The following EHBP1 variants were observed in gnomAD, a reference collection of about 807,000 sequenced individuals.
EHBP1 encodes EH domain-binding protein 1.
A neutral mutation model predicts 144.0 loss-of-function variants in EHBP1; 55 were observed. The ratio of observed to expected loss-of-function variants is 0.38; its 90% CI spans 0.31 to 0.48. EHBP1 has a LOEUF of 0.48. Ranked by LOEUF, EHBP1 falls within the 20% of genes least tolerant of loss-of-function variation. The pLI, the probability that EHBP1 is intolerant of heterozygous loss-of-function variation, is 0.98. For synonymous variants in EHBP1, 469 were observed against 472.7 expected (o/e 0.99, Z 0.10); for missense variants, 1,200 against 1,364.2 (o/e 0.88, Z 1.90).
intron 10 of EHBP1, among the ~76,000 whole-genome samples, chr2:62,888,960 G>C (rs1009899819): frequency 3.4e-5 from 5 of 148,210 alleles, no homozygotes; most frequent in African/African-American, 9.9e-5. Flanking sequence ...AATTTAAGGA[G>C]CCACTAACTC....
intron 7 of EHBP1, among the ~76,000 whole-genome samples, chr2:62,835,474 A>G (rs1047889518): frequency 5.9e-5 from 9 of 152,208 alleles, no homozygotes; most frequent in African/African-American, 2.2e-4. Context: ...CATTAAAAAT[A>G]AAGCGGGGGA....
intron 19 of EHBP1, among the ~76,000 whole-genome samples, chr2:63,005,185 TG>T (rs1292279800): frequency 2.0e-5 from 3 of 152,210 alleles, no homozygotes; most frequent in African/African-American, 7.2e-5. Flanking sequence ...TAGAAGGCCA[TG>T]GGTAGTATTA....
chr2:62,940,840 C>A (rs1183600837), intron 10 of EHBP1, among the ~76,000 whole-genome samples: 1 of 152,056 alleles, frequency 6.6e-6, no homozygotes, highest in Non-Finnish European at 1.5e-5. Context: ...GTTCTTCTAG[C>A]CTTTTCATAT....
chr2:62,841,988 T>G (rs2047921273), intron 7 of EHBP1, among the ~76,000 whole-genome samples: 1 of 152,152 alleles, frequency 6.6e-6, no homozygotes, highest in East Asian at 1.9e-4. Context: ...ATTTGTTATC[T>G]GGTGAGAGCC....
In EHBP1 at chr2:62,754,575, G is replaced by T. The variant is rs962959246; in HGVS notation, c.162+7123G>T. Among the ~76,000 whole-genome samples, 76 of 152,340 alleles carry T rather than the reference G, an allele frequency of 5.0e-4. No individual in the cohort carries two copies. The Middle Eastern group carries it at 0.017, about 34-fold the overall frequency. On this transcript the variant is annotated intron_variant, in intron 3 of 22. Transcript: ENST00000431489. ...TTTCTGCTGCCTTTTGTTCAGCTAT[G>T]CCCTGCCTCCAGAGGTGGAGTCTAC...
chr2:62,882,370 C>A (rs1454486324), intron 10 of EHBP1, among the ~76,000 whole-genome samples: 2 of 152,114 alleles, frequency 1.3e-5, no homozygotes, highest in Non-Finnish European at 2.9e-5. Flanking sequence ...AAGGAGATGG[C>A]CAATTCCAAT....
intron 19 of EHBP1, among the ~76,000 whole-genome samples, chr2:63,033,742 T>C (rs375303767): frequency 1.3e-5 from 2 of 152,102 alleles, no homozygotes; most frequent in South Asian, 4.1e-4. Context: ...GATTCTTGGA[T>C]AAATGAATGA....
At chr2:62,823,127 G>A (rs929062567) in intron 5 of EHBP1, among the ~76,000 whole-genome samples, 5 of 151,938 alleles carry the variant, frequency 3.3e-5, no homozygotes, top group South Asian at 2.1e-4. Context: ...GGATCTCTAG[G>A]GGTGGGATTC....
intron 5 of EHBP1, among the ~76,000 whole-genome samples, chr2:62,773,850 C>CAAAAAAAAAAAAAAAAAAAAAA (rs570715468): frequency 9.6e-5 from 4 of 41,552 alleles, no homozygotes; most frequent in Non-Finnish European, 1.2e-4. Flanking sequence ...GACTCCATCT[C>CAAAAAAAAAAAAAAAAAAAAAA]AAAAAAAAAA....
chr2:62,943,456 TA>T (rs1343897164), intron 11 of EHBP1, among the ~76,000 whole-genome samples: 3 of 152,026 alleles, frequency 2.0e-5, no homozygotes, highest in African/African-American at 7.2e-5. Context: ...AAAATTGTGT[TA>T]GTGTTAAAAT....
intron 3 of EHBP1, among the ~76,000 whole-genome samples, chr2:62,761,294 C>T (rs1043369700): frequency 6.6e-6 from 1 of 152,034 alleles, no homozygotes; most frequent in African/African-American, 2.4e-5. Flanking sequence ...CTGTTCTGTA[C>T]CTTTCACTAT....
intron 1 of EHBP1, among the ~76,000 whole-genome samples, chr2:62,692,063 A>G (rs1200160993): frequency 6.6e-6 from 1 of 152,062 alleles, no homozygotes; most frequent in South Asian, 2.1e-4. Flanking sequence ...TAACTCCTTC[A>G]TGTGCCTGAA....
intron 8 of EHBP1, among the ~76,000 whole-genome samples, chr2:62,863,695 G>A (rs1318421372): frequency 6.6e-6 from 1 of 152,014 alleles, no homozygotes; most frequent in Non-Finnish European, 1.5e-5. Context: ...TGGCCTGTGA[G>A]TATATATACG....
chr2:62,813,457 G>T (rs551090148), intron 5 of EHBP1, among the ~76,000 whole-genome samples: 2 of 152,226 alleles, frequency 1.3e-5, no homozygotes, highest in Non-Finnish European at 2.9e-5. Context: ...AGCCATGGGA[G>T]CAAGGTTACA....
At chr2:62,830,918 C>T in intron 6 of EHBP1, 101 bp from the exon 7 acceptor site, 1 of 1,224,676 alleles carries the variant, frequency 8.2e-7, no homozygotes, top group Non-Finnish European at 1.1e-6. Flanking sequence ...GACTTATTGA[C>T]ATACCTTATA....
At chr2:62,866,011 G>A (rs1361192372) in intron 9 of EHBP1, among the ~76,000 whole-genome samples, 4 of 152,212 alleles carry the variant, frequency 2.6e-5, no homozygotes, top group African/African-American at 7.2e-5. Context: ...GCTTGCGTGT[G>A]AGGAAATCAC....
intron 15 of EHBP1, 63 bp downstream of exon 15, chr2:62,979,398 G>C: frequency 6.6e-7 from 1 of 1,524,184 alleles, no homozygotes; most frequent in Non-Finnish European, 8.9e-7. Context: ...GACCTTTTGG[G>C]ACTTTTTATT....
chr2:62,867,933 A>G (rs186350791), intron 9 of EHBP1, among the ~76,000 whole-genome samples: 1 of 152,334 alleles, frequency 6.6e-6, no homozygotes, highest in Admixed American at 6.5e-5. Context: ...AAAATCAATT[A>G]GGAAATGATA....
intron 14 of EHBP1, among the ~76,000 whole-genome samples, chr2:62,962,860 A>T (rs1281887851): frequency 6.6e-6 from 1 of 152,214 alleles, no homozygotes; most frequent in Non-Finnish European, 1.5e-5. Flanking sequence ...AACTATCAGG[A>T]AGTAATTACA....
Sources: gnomAD v4.1 joint callset for allele counts (sites outside exome capture counted in the v4.1 genomes callset) on GRCh38, gnomAD v4.1.1 for gene constraint, MANE v1.5 for transcripts, NCBI Gene and HGNC (gene_info 2026-07-23, HGNC 2026-07-21) for gene names.